The following NEDD4L variants were observed in gnomAD, a reference collection of about 807,000 sequenced individuals.
NEDD4L encodes the protein NEDD4 like E3 ubiquitin protein ligase.
NEDD4L carries 54 observed loss-of-function variants against 148.9 expected under a neutral mutation model. That is an observed-to-expected ratio of 0.36 (90% confidence interval 0.29 to 0.45). The LOEUF (loss-of-function observed/expected upper bound fraction) is 0.45, where lower values mean the gene tolerates loss of function less well. NEDD4L is among the 20% of genes least tolerant of loss of function. The pLI, the probability that NEDD4L is intolerant of heterozygous loss-of-function variation, is 1.00. For missense variants in NEDD4L, 856 were observed against 1,233.8 expected, an observed-to-expected ratio of 0.69 and a Z score of 4.59; for synonymous variants, 433 against 440.7, an observed-to-expected ratio of 0.98 and a Z score of 0.22.
chr18:58,141,826 A>C (rs187111158), intron 1 of NEDD4L, among the ~76,000 whole-genome samples: 1 of 152,276 alleles, frequency 6.6e-6, no homozygotes, highest in East Asian at 1.9e-4. Context: ...AAATAATCTT[A>C]GAATCCATGC....
chr18:58,316,018 C>G lies in NEDD4L; in HGVS notation c.334C>G (p.Leu112Val). 1 of 1,613,634 alleles carries G rather than the reference C, an allele frequency of 6.2e-7. No individual in the cohort carries two copies. The highest frequency in any genetic ancestry group is 8.5e-7 in the Non-Finnish European group (1 of 1,179,534). The change falls in exon 6 of 31, where the codon CTT becomes GTT. Residue 112 changes from leucine (L) to valine (V), a missense_variant. This residue lies in a region of NEDD4L where 193 missense variants were observed against 244.2 expected (regional missense o/e 0.79). Transcript: ENST00000400345. ...DDFLGQVDVP[L>V]SHLPTEDPTM... ...CTTCCTGGGCCAGGTGGACGTGCCCCTTAGTCACCTTCCGGTAAGGACAGT... is the reference window on the plus strand; with the variant it reads ...CTTCCTGGGCCAGGTGGACGTGCCCGTTAGTCACCTTCCGGTAAGGACAGT...
At chr18:58,080,842 A>G (rs1258521486) in intron 1 of NEDD4L, among the ~76,000 whole-genome samples, 2 of 152,200 alleles carry the variant, frequency 1.3e-5, no homozygotes, top group African/African-American at 4.8e-5. Flanking sequence ...AAACCCTACC[A>G]GGAAGTGAGG....
At chr18:58,119,068 A>G (rs2086050185) in intron 1 of NEDD4L, among the ~76,000 whole-genome samples, 1 of 152,138 alleles carries the variant, frequency 6.6e-6, no homozygotes, top group Non-Finnish European at 1.5e-5. Flanking sequence ...AGCGAAGTAA[A>G]TCCAATAATG....
intron 1 of NEDD4L, among the ~76,000 whole-genome samples, chr18:58,060,083 G>A (rs144725281): frequency 4.1e-5 from 6 of 147,872 alleles, no homozygotes; most frequent in Non-Finnish European, 8.9e-5. Flanking sequence ...GACACCCGGA[G>A]TGGAACCATC....
chr18:58,160,492 A>G (rs1406154074), intron 1 of NEDD4L, among the ~76,000 whole-genome samples: 1 of 152,202 alleles, frequency 6.6e-6, no homozygotes, highest in Non-Finnish European at 1.5e-5. Context: ...CCTAGTTTCT[A>G]CTCTGATGTT....
At chr18:58,078,179 C>G (rs1256784244) in intron 1 of NEDD4L, among the ~76,000 whole-genome samples, 1 of 152,048 alleles carries the variant, frequency 6.6e-6, no homozygotes, top group Non-Finnish European at 1.5e-5. Flanking sequence ...ACCTGGTTTC[C>G]GTCAAATACA....
intron 15 of NEDD4L, 43 bp downstream of exon 15, chr18:58,341,840 G>A: frequency 1.9e-6 from 3 of 1,590,088 alleles, no homozygotes. Flanking sequence ...TCTGTCCTGT[G>A]ACTCCCATTC....
intron 5 of NEDD4L, among the ~76,000 whole-genome samples, chr18:58,263,244 G>C (rs1484482971): frequency 6.6e-6 from 1 of 152,172 alleles, no homozygotes; most frequent in East Asian, 1.9e-4. Flanking sequence ...CCAGTAAGCA[G>C]AGCAGAGTAA....
chr18:58,142,327 C>T (rs949794219), intron 1 of NEDD4L, among the ~76,000 whole-genome samples: 25 of 132,798 alleles, frequency 1.9e-4, no homozygotes, highest in African/African-American at 6.1e-4. Context: ...GGATTACAGG[C>T]GTGAACCACA....
In NEDD4L at chr18:58,276,836, C is replaced by A. The variant is rs78453581; in HGVS notation, c.297+24782C>A. Among the ~76,000 whole-genome samples the A allele has an allele frequency of 8.2e-3, 1,250 of 152,214 alleles. 20 individuals are homozygous for A. Among genetic ancestry groups the A allele is most frequent in the African/African-American group, 0.028 (1,182 of 41,534 alleles). On this transcript the variant is annotated intron_variant, in intron 5 of 30. Transcript: ENST00000400345. ...TGCCATGAGCAAAGCCTTCCATCTG[C>A]ACTTGGCATATTGCAGGGTCTGTAG...
intron 1 of NEDD4L, chr18:58,046,373 A>C (rs534788068): frequency 1.6e-5 from 2 of 128,936 alleles, no homozygotes; most frequent in East Asian, 5.7e-4. Flanking sequence ...AGACATTCCT[A>C]AACAAAGGGG....
At chr18:58,385,682 C>A in intron 26 of NEDD4L, 96 bp downstream of exon 26, 2 of 1,019,504 alleles carry the variant, frequency 2.0e-6, no homozygotes, top group Non-Finnish European at 3.1e-6. Context: ...TGGAGCTGAT[C>A]AGAGACAGAG....
intron 1 of NEDD4L, among the ~76,000 whole-genome samples, chr18:58,098,470 G>C (rs976652344): frequency 6.6e-6 from 1 of 152,170 alleles, no homozygotes; most frequent in South Asian, 2.1e-4. Context: ...GCGTTGTCCT[G>C]AGTGGTTAGA....
intron 1 of NEDD4L, among the ~76,000 whole-genome samples, chr18:58,128,687 C>T (rs2031567194): frequency 6.6e-6 from 1 of 152,174 alleles, no homozygotes; most frequent in Admixed American, 6.5e-5. Flanking sequence ...CTGGATGGTG[C>T]TTGCTGTTTC....
chr18:58,229,788 A>G (rs983995615), intron 2 of NEDD4L, among the ~76,000 whole-genome samples: 1 of 152,072 alleles, frequency 6.6e-6, no homozygotes, highest in South Asian at 2.1e-4. Flanking sequence ...TCAGGAGATC[A>G]AGACTATCCT....
chr18:58,160,624 T>C (rs2036083982), intron 1 of NEDD4L, among the ~76,000 whole-genome samples: 1 of 152,198 alleles, frequency 6.6e-6, no homozygotes, highest in South Asian at 2.1e-4. Context: ...ACACATAGAT[T>C]TTATGAAAGT....
chr18:58,147,079 G>A (rs902300048), intron 1 of NEDD4L, among the ~76,000 whole-genome samples: 2 of 152,156 alleles, frequency 1.3e-5, no homozygotes, highest in Non-Finnish European at 2.9e-5. Context: ...AGATTTCTCT[G>A]GATTACAAAT....
At chr18:58,166,480 G>A (rs1336536391) in intron 2 of NEDD4L, among the ~76,000 whole-genome samples, 1 of 152,200 alleles carries the variant, frequency 6.6e-6, no homozygotes. Context: ...AGCAGGGTGA[G>A]GGTAGCCGTA....
At chr18:58,251,970 G>T (rs201065749) in intron 4 of NEDD4L, 31 bp from the exon 5 acceptor site, 33 of 1,279,336 alleles carry the variant, frequency 2.6e-5, no homozygotes, top group Non-Finnish European at 3.5e-5. Context: ...ATTCCTGCTC[G>T]TTTAAAAAAT....
Sources: gnomAD v4.1 joint callset for allele counts (sites outside exome capture counted in the v4.1 genomes callset) on GRCh38, gnomAD v4.1.1 for gene constraint, gnomAD v4.1.1 regional missense constraint, MANE v1.5 for transcripts, NCBI Gene and HGNC (gene_info 2026-07-23, HGNC 2026-07-21) for gene names.